Variants in ZC3H15 observed in about 807,000 individuals in gnomAD.
ZC3H15 encodes zinc finger CCCH-type containing 15.
A neutral mutation model predicts 51.2 loss-of-function variants in ZC3H15; 15 were observed. The observed-to-expected ratio is 0.29, with a 90% CI of 0.20 to 0.45. The LOEUF is 0.45. ZC3H15 is among the 20% of genes least tolerant of loss of function. The pLI, the probability that ZC3H15 is intolerant of heterozygous loss-of-function variation, is 1.00. For missense variants in ZC3H15, 381 were observed against 494.7 expected, an observed-to-expected ratio of 0.77 and a Z score of 2.18; for synonymous variants, 144 against 162.8, an observed-to-expected ratio of 0.88 and a Z score of 0.88.
At chr2:186,490,390 T>C (rs1273515883) in intron 1 of ZC3H15, among the ~76,000 whole-genome samples, 1 of 152,158 alleles carries the variant, frequency 6.6e-6, no homozygotes, top group Non-Finnish European at 1.5e-5. Flanking sequence ...AAGGAAATAG[T>C]AATAGGGACC....
At chr2:186,486,753 G>T in intron 1 of ZC3H15, 6 of 364,288 alleles carry the variant, frequency 1.6e-5, no homozygotes, top group African/African-American at 1.2e-4. Context: ...TTTATCCTTC[G>T]CTAGTCCTCT....
chr2:186,509,094 GAC>G lies in ZC3H15; in HGVS notation c.*365_*366del, dbSNP rs1685514010. The G allele has an allele frequency of 2.2e-6, 1 of 460,636 alleles. No homozygotes were observed. The allele number at this position is 460,636 out of a possible 1,614,324, so 28.5% of individuals were successfully genotyped here. A position where few individuals can be genotyped will look rare whatever the true frequency, so the allele number is the denominator to read the frequency against. On this transcript the variant is annotated 3_prime_UTR_variant, in exon 10 of 10. Coordinates refer to ENST00000337859, the MANE Select transcript of ZC3H15 (RefSeq NM_018471.3). Reference sequence around the variant, plus strand: ...CTTATATTTAAAATACCCTTCATTTGACACAGTTTTTAATGAGTGATTTAATT... The same window carrying G: ...CTTATATTTAAAATACCCTTCATTTGACAGTTTTTAATGAGTGATTTAATT...
chr2:186,500,551 AT>A, intron 3 of ZC3H15: 3 of 592,482 alleles, frequency 5.1e-6, no homozygotes, highest in Non-Finnish European at 9.5e-6. Context: ...CTGCTAATTG[AT>A]TTATAACATT....
chr2:186,505,250 T>A, intron 6 of ZC3H15: 1 of 372,354 alleles, frequency 2.7e-6, no homozygotes, highest in Non-Finnish European at 4.5e-6. Context: ...CTCAGAATAA[T>A]ATATTTTTAG....
intron 9 of ZC3H15, among the ~76,000 whole-genome samples, chr2:186,508,317 T>C (rs1685499426): frequency 1.3e-5 from 2 of 152,186 alleles, no homozygotes; most frequent in South Asian, 4.1e-4. Context: ...AACCATTAAG[T>C]AGTCAAATGG....
intron 5 of ZC3H15, 62 bp downstream of exon 5, chr2:186,502,649 A>G (rs1685405112): frequency 1.0e-5 from 14 of 1,335,838 alleles, no homozygotes; most frequent in African/African-American, 1.5e-5. Context: ...TTATGTGGCA[A>G]GGTATTTGCT....
chr2:186,504,154 A>C lies in ZC3H15; in HGVS notation c.657A>C (p.Lys219Asn), dbSNP rs751511565. 1.2e-5 allele frequency: 19 copies of C among 1,611,132 alleles called. No homozygotes were observed. The highest frequency in any genetic ancestry group is 1.6e-5 in the Non-Finnish European group (19 of 1,178,510). The change falls in exon 6 of 10, where the codon AAA becomes AAC. Residue 219 changes from lysine (K) to asparagine (N), a missense_variant. Around this residue, in one of 3 missense-constraint regions of ZC3H15, gnomAD observed 215 missense variants for 241.8 expected, o/e 0.89. Coordinates refer to ENST00000337859, the MANE Select transcript of ZC3H15 (RefSeq NM_018471.3). ...TTCCTCCTGGATTTGTGTTGAAAAA[A>C]GATAAAAAGAAAGAAGAGAAAGAAG... ...HALPPGFVLK[K>N]DKKKEEKEDE...
chr2:186,501,733 C>T (rs886279140), intron 4 of ZC3H15, among the ~76,000 whole-genome samples: 6 of 149,248 alleles, frequency 4.0e-5, no homozygotes, highest in South Asian at 2.1e-4. Flanking sequence ...TTTTTTGAGA[C>T]GGAGTCTTGG....
At chr2:186,490,975 G>T (rs747206487) in intron 1 of ZC3H15, among the ~76,000 whole-genome samples, 2 of 152,104 alleles carry the variant, frequency 1.3e-5, no homozygotes. Flanking sequence ...TGTGGTTTGG[G>T]GTTGACTGTA....
intron 3 of ZC3H15, among the ~76,000 whole-genome samples, chr2:186,501,012 A>T (rs538092204): frequency 2.0e-5 from 3 of 152,260 alleles, no homozygotes; most frequent in African/African-American, 7.2e-5. Flanking sequence ...AACTAGACAA[A>T]GCCTGTGAAA....
At chr2:186,494,721 C>A (rs1012473024) in intron 1 of ZC3H15, among the ~76,000 whole-genome samples, 9 of 152,118 alleles carry the variant, frequency 5.9e-5, no homozygotes, top group South Asian at 4.1e-4. Flanking sequence ...ATCGCAAGGA[C>A]AAAAAACCAA....
At chr2:186,491,993 C>G (rs573694711) in intron 1 of ZC3H15, among the ~76,000 whole-genome samples, 1 of 151,890 alleles carries the variant, frequency 6.6e-6, no homozygotes, top group Non-Finnish European at 1.5e-5. Flanking sequence ...ACACCTTTAC[C>G]AGAAACTGCC....
chr2:186,501,353 G>A lies in ZC3H15; in HGVS notation c.370G>A (p.Asp124Asn). 3 of 1,613,940 alleles carry A rather than the reference G, an allele frequency of 1.9e-6. No homozygotes were observed. The highest frequency in any genetic ancestry group is 2.5e-6 in the Non-Finnish European group (3 of 1,179,922). ...TKGDKCKFSH[D>N]LTLERKCEKR... is the part of the protein sequence containing the mutation. ...AGGAGATAAGTGTAAGTTCTCCCAT[G>A]ACTTGACTCTGGAGAGAAAATGTGA... The change falls in exon 4 of 10, where the codon GAC becomes AAC. Residue 124 changes from aspartate to asparagine, a missense_variant. Asp to Asn is a conservative substitution (Grantham distance 23, BLOSUM62 1). Coordinates refer to ENST00000337859, the MANE Select transcript of ZC3H15 (RefSeq NM_018471.3).
At chr2:186,502,263 A>G (rs956458148) in intron 4 of ZC3H15, among the ~76,000 whole-genome samples, 1 of 151,988 alleles carries the variant, frequency 6.6e-6, no homozygotes, top group Non-Finnish European at 1.5e-5. Context: ...AGGCAGGAGG[A>G]ATTGATCGAG....
At chr2:186,506,586 C>A in intron 8 of ZC3H15, 127 bp from the exon 9 acceptor site, 2 of 1,073,330 alleles carry the variant, frequency 1.9e-6, no homozygotes, top group South Asian at 1.7e-5. Flanking sequence ...GCCTCCACAC[C>A]TGGCCAGTAA....
At position 186,500,421 on chromosome 2, in the gene ZC3H15, A is replaced by G. The variant is rs923932778; in HGVS notation, c.289+128A>G. On this transcript the variant is annotated intron_variant, in intron 3 of 9. Coordinates refer to ENST00000337859, the MANE Select transcript of ZC3H15 (RefSeq NM_018471.3). ...TCTGAATGAAAATGTTACTCCATCA[A>G]AATTACCTATGTCAGTGGGTTGCTT... 2.1e-5 allele frequency: 17 copies of G among 813,928 alleles called. No individual in the cohort carries two copies. The Middle Eastern group carries it at 7.7e-4, about 37-fold the overall frequency. 50.4% of individuals were successfully genotyped at this position (813,928 alleles called of 1,614,324 possible).
Position 186,489,995 on chromosome 2 carries a change from T to C in ZC3H15, c.75+3538T>C, listed in dbSNP as rs547665506. On this transcript the variant is annotated intron_variant, in intron 1 of 9. Transcript: ENST00000337859. Reference sequence around the variant, plus strand: ...CAGCTATTGTTATTGCCTATTTTGATAGTGTATTATAAATAAAAACTAGGG... The same window carrying C: ...CAGCTATTGTTATTGCCTATTTTGACAGTGTATTATAAATAAAAACTAGGG... Among the ~76,000 whole-genome samples, 9 of 152,352 alleles carry C rather than the reference T, an allele frequency of 5.9e-5. No individual in the cohort carries two copies. In the South Asian group the frequency reaches 1.9e-3, roughly 32 times the overall value.
intron 5 of ZC3H15, 73 bp downstream of exon 5, chr2:186,502,660 G>A: frequency 1.6e-6 from 2 of 1,222,270 alleles, no homozygotes; most frequent in East Asian, 2.5e-5. Flanking sequence ...GGTATTTGCT[G>A]CTATTTTCTA....
intron 1 of ZC3H15, among the ~76,000 whole-genome samples, chr2:186,491,793 G>T (rs1685203985): frequency 6.6e-6 from 1 of 151,926 alleles, no homozygotes; most frequent in African/African-American, 2.4e-5. Context: ...ATATTCAGGG[G>T]TTATGTTTAT....
Sources: gnomAD v4.1 joint callset for allele counts (sites outside exome capture counted in the v4.1 genomes callset) on GRCh38, gnomAD v4.1.1 for gene constraint, gnomAD v4.1.1 regional missense constraint, MANE v1.5 for transcripts, NCBI Gene and HGNC (gene_info 2026-07-23, HGNC 2026-07-21) for gene names.